Variants in VPS13D observed in about 807,000 individuals in gnomAD.
VPS13D encodes the protein vacuolar protein sorting 13 homolog D.
VPS13D carries 187 observed loss-of-function variants against 461.9 expected under a neutral mutation model. That is an observed-to-expected ratio of 0.40 (90% CI 0.36 to 0.46). The LOEUF is 0.46. Among genes scored for constraint, VPS13D ranks in the 20% least tolerant of loss-of-function variants. The pLI, the probability that VPS13D is intolerant of heterozygous loss-of-function variation, is 0.60. For synonymous variants in VPS13D, 1,951 were observed against 1,986.3 expected, an observed-to-expected ratio of 0.98 and a Z score of 0.47; for missense variants, 4,711 against 5,364.9, an observed-to-expected ratio of 0.88 and a Z score of 3.81.
In VPS13D at chr1:12,511,671, G is replaced by A. The variant is rs771560786; in HGVS notation, c.*2647G>A. 6.6e-6 allele frequency: 1 copy of A among 152,268 alleles called. No homozygotes were observed. Among genetic ancestry groups the A allele is most frequent in the Non-Finnish European group, 1.5e-5 (1 of 68,128 alleles). 9.4% of individuals were successfully genotyped at this position (152,268 alleles called of 1,614,324 possible). A position where few individuals can be genotyped will look rare whatever the true frequency, so the allele number is the denominator to read the frequency against. ...TTGACCCAGCACAGTTGGCCGACCCGTGTCACTCCCTGGCTGTCGCTGCTT... is the reference window on the plus strand; with the variant it reads ...TTGACCCAGCACAGTTGGCCGACCCATGTCACTCCCTGGCTGTCGCTGCTT... On this transcript the variant is annotated 3_prime_UTR_variant, in exon 70 of 70. Transcript: ENST00000620676. This position sits in a 1 kb window ranked among gnomAD's most constrained non-coding sequence, Gnocchi z 4.5.
At chr1:12,410,532 C>T (rs1473962644) in intron 63 of VPS13D, among the ~76,000 whole-genome samples, 1 of 151,902 alleles carries the variant, frequency 6.6e-6, no homozygotes, top group Non-Finnish European at 1.5e-5. Context: ...TGAGATGAGA[C>T]CAAGAGAAAA....
intron 67 of VPS13D, among the ~76,000 whole-genome samples, chr1:12,477,004 G>A (rs1042182637): frequency 1.9e-4 from 29 of 152,362 alleles, no homozygotes; most frequent in African/African-American, 6.7e-4. Context: ...ATTTGAAACA[G>A]ACCACTGGCT....
At chr1:12,389,300 GA>G (rs1282324862) in intron 60 of VPS13D, among the ~76,000 whole-genome samples, 1 of 152,086 alleles carries the variant, frequency 6.6e-6, no homozygotes, top group East Asian at 1.9e-4. Context: ...ACACACCCAG[GA>G]TCAATACTTT....
chr1:12,275,587 G>C (rs1641586771), intron 18 of VPS13D, among the ~76,000 whole-genome samples: 1 of 152,174 alleles, frequency 6.6e-6, no homozygotes, highest in Non-Finnish European at 1.5e-5. Context: ...GCTCATGTCA[G>C]GGGGCCTCCA....
intron 21 of VPS13D, among the ~76,000 whole-genome samples, chr1:12,284,486 AAGAC>A (rs1641904564): frequency 6.6e-6 from 1 of 152,216 alleles, no homozygotes; most frequent in African/African-American, 2.4e-5. Context: ...AACCATAAAA[AAGAC>A]AGCATTTGAG....
At chr1:12,403,719 G>A in intron 62 of VPS13D, 106 bp from the exon 63 acceptor site, 2 of 1,120,826 alleles carry the variant, frequency 1.8e-6, no homozygotes, top group Admixed American at 3.1e-5. Context: ...GTGATAGATG[G>A]TTTCCTTTTT....
intron 38 of VPS13D, among the ~76,000 whole-genome samples, chr1:12,334,699 A>G (rs1419639215): frequency 1.3e-5 from 2 of 152,196 alleles, no homozygotes; most frequent in Non-Finnish European, 2.9e-5. Context: ...CAGGAGTTCA[A>G]AGTTACAGTG....
At chr1:12,415,540 C>T (rs952452607) in intron 64 of VPS13D, among the ~76,000 whole-genome samples, 2 of 150,706 alleles carry the variant, frequency 1.3e-5, no homozygotes, top group East Asian at 1.9e-4. Context: ...CAGGCATGGG[C>T]CTTCTTTCAG....
Position 12,458,190 on chromosome 1 carries a change from G to C in VPS13D, c.12467-2011G>C, listed in dbSNP as rs181864774. On this transcript the variant is annotated intron_variant, in intron 66 of 69. Coordinates refer to ENST00000620676, the MANE Select transcript of VPS13D (RefSeq NM_015378.4). ...GGATCCACTGAGCTCTGGGTTATAC[G>C]AAGGCAGTATCCTAGAGTGAGAGTC... Among the ~76,000 whole-genome samples the C allele has an allele frequency of 1.3e-3, 197 of 152,334 alleles. 1 individual carries two copies. The highest frequency in any genetic ancestry group is 4.7e-3 in the African/African-American group (195 of 41,570).
At chr1:12,371,200 A>C (rs1452479342) in intron 54 of VPS13D, among the ~76,000 whole-genome samples, 1 of 152,108 alleles carries the variant, frequency 6.6e-6, no homozygotes, top group Non-Finnish European at 1.5e-5. Context: ...CCTATTGAGC[A>C]GTCACTCCCC....
At chr1:12,381,752 C>A (rs1194650177) in intron 57 of VPS13D, among the ~76,000 whole-genome samples, 1 of 152,214 alleles carries the variant, frequency 6.6e-6, no homozygotes, top group African/African-American at 2.4e-5. Flanking sequence ...ACTTCCCTTT[C>A]TTTGTCTATA....
intron 5 of VPS13D, among the ~76,000 whole-genome samples, chr1:12,245,696 C>T (rs960435312): frequency 6.6e-6 from 1 of 151,946 alleles, no homozygotes; most frequent in East Asian, 1.9e-4. Context: ...TGCCCCTGCA[C>T]CCCATTCTGG....
At chr1:12,370,058 C>G (rs1472664784) in intron 54 of VPS13D, among the ~76,000 whole-genome samples, 1 of 152,204 alleles carries the variant, frequency 6.6e-6, no homozygotes, top group Non-Finnish European at 1.5e-5. Flanking sequence ...TCTGACTCTC[C>G]TCCCACCATC....
At chr1:12,413,073 AGAGACTACGCT>A (rs1228386773) in intron 63 of VPS13D, among the ~76,000 whole-genome samples, 7 of 152,348 alleles carry the variant, frequency 4.6e-5, no homozygotes, top group African/African-American at 1.7e-4. Context: ...TCAACTGAAA[AGAGACTACGCT>A]GAGGTACCAT....
At chr1:12,381,984 CT>C (rs1644287061) in intron 57 of VPS13D, among the ~76,000 whole-genome samples, 3 of 63,272 alleles carry the variant, frequency 4.7e-5, no homozygotes, top group Non-Finnish European at 1.1e-4. Flanking sequence ...CTTTCTTTCT[CT>C]CTCTCTCTCT....
intron 65 of VPS13D, among the ~76,000 whole-genome samples, chr1:12,446,452 A>T (rs1645193619): frequency 6.6e-6 from 1 of 151,882 alleles, no homozygotes; most frequent in Non-Finnish European, 1.5e-5. Flanking sequence ...AATGGCAAAG[A>T]TCAAGAGGAA....
chr1:12,501,629 G>A (rs1202984921), intron 68 of VPS13D, among the ~76,000 whole-genome samples: 4 of 152,204 alleles, frequency 2.6e-5, no homozygotes, highest in African/African-American at 4.8e-5. Flanking sequence ...ACAGACTAAC[G>A]CATACATTTA....
chr1:12,325,826 A>G (rs1191900946), intron 35 of VPS13D, among the ~76,000 whole-genome samples: 1 of 152,100 alleles, frequency 6.6e-6, no homozygotes, highest in Non-Finnish European at 1.5e-5. Context: ...TTTACTTGTT[A>G]TTCAATATTA....
intron 55 of VPS13D, among the ~76,000 whole-genome samples, chr1:12,378,027 A>T (rs1644224369): frequency 6.6e-6 from 1 of 152,124 alleles, no homozygotes; most frequent in Non-Finnish European, 1.5e-5. Context: ...TATAGTCTTT[A>T]TGTAATTGCA....
Sources: gnomAD v4.1 joint callset for allele counts (sites outside exome capture counted in the v4.1 genomes callset) on GRCh38, gnomAD v4.1.1 for gene constraint, Gnocchi (gnomAD v3.1) non-coding constraint, MANE v1.5 for transcripts, NCBI Gene and HGNC (gene_info 2026-07-23, HGNC 2026-07-21) for gene names.